Variants in NEDD9 observed in about 807,000 individuals in gnomAD.
NEDD9 encodes neural precursor cell expressed, developmentally down-regulated 9.
A neutral mutation model predicts 76.6 loss-of-function variants in NEDD9; 26 were observed. The ratio of observed to expected loss-of-function variants is 0.34; its 90% CI spans 0.25 to 0.47. NEDD9 has a LOEUF of 0.47. NEDD9 is among the 20% of genes least tolerant of loss of function. The pLI, the probability that NEDD9 is intolerant of heterozygous loss-of-function variation, is 1.00. For synonymous variants in NEDD9, 392 were observed against 414.2 expected, an observed-to-expected ratio of 0.95 and a Z score of 0.65; for missense variants, 937 against 1,058.5, an observed-to-expected ratio of 0.89 and a Z score of 1.59.
chr6:11,257,034 A>C (rs1437375662), intron 3 of NEDD9, among the ~76,000 whole-genome samples: 1 of 152,200 alleles, frequency 6.6e-6, no homozygotes, highest in East Asian at 1.9e-4. Flanking sequence ...ATTGTAGGTC[A>C]CTTTGGCACT....
chr6:11,278,025 G>A (rs913564956), intron 3 of NEDD9, among the ~76,000 whole-genome samples: 2 of 152,154 alleles, frequency 1.3e-5, no homozygotes, highest in Non-Finnish European at 2.9e-5. Context: ...CCTGCAAGAG[G>A]TCGGAGGCTG....
At chr6:11,360,643 C>T (rs909157206) in intron 1 of NEDD9, among the ~76,000 whole-genome samples, 3 of 152,174 alleles carry the variant, frequency 2.0e-5, no homozygotes, top group Non-Finnish European at 4.4e-5. Context: ...CCCCTTTCAC[C>T]TTCTGCTATG....
chr6:11,269,533 C>T (rs1760261503), intron 3 of NEDD9, among the ~76,000 whole-genome samples: 1 of 152,150 alleles, frequency 6.6e-6, no homozygotes, highest in South Asian at 2.1e-4. Flanking sequence ...TGCATACAAA[C>T]TTAAATACAG....
intron 1 of NEDD9, among the ~76,000 whole-genome samples, chr6:11,369,875 A>G (rs2113567663): frequency 1.3e-5 from 2 of 152,288 alleles, no homozygotes; most frequent in South Asian, 4.1e-4. Context: ...GGACTTTTGG[A>G]TTGTGTTCAT....
intron 1 of NEDD9, among the ~76,000 whole-genome samples, chr6:11,337,770 C>A (rs184634018): frequency 2.0e-5 from 3 of 152,168 alleles, no homozygotes; most frequent in Non-Finnish European, 4.4e-5. Context: ...GAGGGAAGAG[C>A]AGGGGATCTG....
chr6:11,246,880 G>T (rs1312835422), intron 3 of NEDD9, among the ~76,000 whole-genome samples: 1 of 152,142 alleles, frequency 6.6e-6, no homozygotes, highest in Non-Finnish European at 1.5e-5. Flanking sequence ...TTAGGATGCA[G>T]GAGTTCAGAC....
At position 11,315,785 on chromosome 6, in the gene NEDD9, G is replaced by C. The variant is rs141730711; in HGVS notation, c.-152-9630C>G. 5.3e-4 allele frequency among the ~76,000 whole-genome samples: 81 copies of C among 152,306 alleles called. No individual in the cohort carries two copies. In the East Asian group the frequency reaches 0.012, roughly 23 times the overall value. On this transcript the variant is annotated intron_variant, in intron 2 of 3. Coordinates refer to the NEDD9 transcript ENST00000397378. ...CTCAATAAAGAGAGTGAGATGAAAA[G>C]AGCTATTAGTTCATCTGTTAGGGCA...
At chr6:11,376,719 A>G (rs533146745) in intron 1 of NEDD9, among the ~76,000 whole-genome samples, 5 of 152,352 alleles carry the variant, frequency 3.3e-5, no homozygotes, top group African/African-American at 1.2e-4. Flanking sequence ...TCTGTGGTAG[A>G]GAAAGAATCC....
intron 1 of NEDD9, among the ~76,000 whole-genome samples, chr6:11,343,327 G>A (rs1324387364): frequency 1.3e-5 from 2 of 152,056 alleles, no homozygotes; most frequent in African/African-American, 4.8e-5. Flanking sequence ...TACTCAGGAG[G>A]CTGAGGCAGG....
chr6:11,287,655 A>G (rs561319780), intron 3 of NEDD9, among the ~76,000 whole-genome samples: 2 of 152,202 alleles, frequency 1.3e-5, no homozygotes, highest in South Asian at 4.2e-4. Flanking sequence ...TACTTTTCCT[A>G]CACATTCCTA....
intron 4 of NEDD9, 81 bp downstream of exon 4, chr6:11,192,264 C>T: frequency 7.8e-6 from 2 of 255,694 alleles, no homozygotes; most frequent in South Asian, 3.0e-5. Flanking sequence ...GAACTACTTA[C>T]CCACCCTCCC....
chr6:11,212,949 T>C (rs1456358327), intron 2 of NEDD9, among the ~76,000 whole-genome samples: 3 of 152,146 alleles, frequency 2.0e-5, no homozygotes, highest in Non-Finnish European at 4.4e-5. Flanking sequence ...ACAGAAAAGA[T>C]AGGAAACGAT....
chr6:11,267,102 C>T (rs1760214354), intron 3 of NEDD9, among the ~76,000 whole-genome samples: 1 of 152,242 alleles, frequency 6.6e-6, no homozygotes, highest in Non-Finnish European at 1.5e-5. Context: ...TGATTACAAA[C>T]ATCCCTCATA....
chr6:11,295,023 C>T (rs1196943881), intron 3 of NEDD9, among the ~76,000 whole-genome samples: 5 of 152,340 alleles, frequency 3.3e-5, no homozygotes, highest in Non-Finnish European at 4.4e-5. Context: ...CCATGAAAGA[C>T]GTGCCTTTGC....
chr6:11,352,256 G>A (rs1294797176), intron 1 of NEDD9: 1 of 152,198 alleles, frequency 6.6e-6, no homozygotes, highest in African/African-American at 2.4e-5. Context: ...TTCAGCCTCT[G>A]GGTGTAGATG....
At position 11,193,699 on chromosome 6, in the gene NEDD9, G is replaced by C. The variant is rs776890020; in HGVS notation, c.460-7C>G. On this transcript the variant is annotated splice_region_variant and splice_polypyrimidine_tract_variant and intron_variant, in intron 2 of 6. Transcript: ENST00000379446. ...TCCTCACGGGGGTTATCACCTGTGG[G>C]AGAGAAGGCACAGAGGTGTAAATTT... 1.2e-6 allele frequency: 2 copies of C among 1,607,108 alleles called. No homozygotes were observed. Among genetic ancestry groups the C allele is most frequent in the Non-Finnish European group, 1.7e-6 (2 of 1,173,902 alleles).
chr6:11,301,484 G>A (rs905175904), intron 3 of NEDD9, among the ~76,000 whole-genome samples: 3 of 152,078 alleles, frequency 2.0e-5, no homozygotes, highest in East Asian at 1.9e-4. Context: ...CAAGGATATC[G>A]AGGGCTTGAA....
At chr6:11,335,704 A>C (rs146182751) in intron 1 of NEDD9, among the ~76,000 whole-genome samples, 22 of 152,374 alleles carry the variant, frequency 1.4e-4, no homozygotes, top group African/African-American at 5.1e-4. Flanking sequence ...TTTATGCTAC[A>C]GGAATAAACA....
chr6:11,299,025 C>A lies in NEDD9; in HGVS notation c.12+6967G>T, dbSNP rs557526770. On this transcript the variant is annotated intron_variant, in intron 3 of 3. Transcript: ENST00000397378. ...GCAGCCCATGGAGGGTGAGCTGAAGCAGGGTGGGGCATTGCCTCATCAGGG... is the reference window on the plus strand; with the variant it reads ...GCAGCCCATGGAGGGTGAGCTGAAGAAGGGTGGGGCATTGCCTCATCAGGG... 4.6e-5 allele frequency among the ~76,000 whole-genome samples: 7 copies of A among 152,290 alleles called. No homozygotes were observed. The South Asian group carries it at 1.2e-3, about 27-fold the overall frequency.
Sources: gnomAD v4.1 joint callset for allele counts (sites outside exome capture counted in the v4.1 genomes callset) on GRCh38, gnomAD v4.1.1 for gene constraint, MANE v1.5 for transcripts, NCBI Gene and HGNC (gene_info 2026-07-23, HGNC 2026-07-21) for gene names.